The following SLC4A10 variants were observed in gnomAD, a reference collection of about 807,000 sequenced individuals.
SLC4A10 encodes the protein solute carrier family 4 member 10.
Under a neutral mutation model 137.7 loss-of-function variants are expected in SLC4A10, and 42 were observed. The observed-to-expected ratio is 0.30, with a 90% CI of 0.24 to 0.39. The LOEUF (loss-of-function observed/expected upper bound fraction) is 0.39, where lower values mean the gene tolerates loss of function less well. Among genes scored for constraint, SLC4A10 ranks in the 10% least tolerant of loss-of-function variants. SLC4A10 has a pLI of 1.00. For missense variants in SLC4A10, 925 were observed against 1,355.0 expected (o/e 0.68, Z 4.98); for synonymous variants, 474 against 464.1 (o/e 1.02, Z -0.27).
At chr2:161,742,358 A>G (rs1325858624) in intron 1 of SLC4A10, among the ~76,000 whole-genome samples, 1 of 151,568 alleles carries the variant, frequency 6.6e-6, no homozygotes, top group Non-Finnish European at 1.5e-5. Context: ...TTGCTGCATC[A>G]TATGGTAATT....
intron 1 of SLC4A10, among the ~76,000 whole-genome samples, chr2:161,631,045 C>T (rs1327852987): frequency 6.6e-6 from 1 of 151,636 alleles, no homozygotes; most frequent in Non-Finnish European, 1.5e-5. Context: ...GGTCTTTTTG[C>T]CCACATATTT....
At chr2:161,735,677 G>T (rs2047270998) in intron 1 of SLC4A10, among the ~76,000 whole-genome samples, 1 of 152,076 alleles carries the variant, frequency 6.6e-6, no homozygotes, top group Non-Finnish European at 1.5e-5. Flanking sequence ...ATGTCTGAAG[G>T]ATCCAACCCT....
chr2:161,980,028 G>A (rs1699993724), intron 26 of SLC4A10, among the ~76,000 whole-genome samples: 1 of 152,160 alleles, frequency 6.6e-6, no homozygotes, highest in East Asian at 1.9e-4. Context: ...TGTCATACAT[G>A]CATGTGACAA....
intron 10 of SLC4A10, among the ~76,000 whole-genome samples, chr2:161,885,861 C>T (rs1470102067): frequency 6.6e-6 from 1 of 152,116 alleles, no homozygotes; most frequent in Non-Finnish European, 1.5e-5. Context: ...CCAGAACTTT[C>T]AGAGCCTAAG....
intron 4 of SLC4A10, among the ~76,000 whole-genome samples, chr2:161,842,769 T>G (rs551083067): frequency 1.3e-5 from 2 of 152,304 alleles, no homozygotes; most frequent in African/African-American, 4.8e-5. Flanking sequence ...GTGTAATATA[T>G]GTGCTCATCT....
chr2:161,854,015 G>A (rs1441595030), intron 4 of SLC4A10, among the ~76,000 whole-genome samples: 2 of 152,090 alleles, frequency 1.3e-5, no homozygotes, highest in Non-Finnish European at 2.9e-5. Context: ...ACACAAAATA[G>A]TAAGATAATA....
At chr2:161,819,519 G>C (rs2057428923) in intron 3 of SLC4A10, among the ~76,000 whole-genome samples, 1 of 136,288 alleles carries the variant, frequency 7.3e-6, no homozygotes, top group African/African-American at 2.5e-5. Context: ...TTTTGAGACA[G>C]AGTCTCACTC....
At chr2:161,632,147 C>G (rs2033668091) in intron 1 of SLC4A10, among the ~76,000 whole-genome samples, 1 of 151,530 alleles carries the variant, frequency 6.6e-6, no homozygotes, top group Admixed American at 6.6e-5. Flanking sequence ...TCTTTTTTCC[C>G]CCTTTTGACT....
intron 12 of SLC4A10, among the ~76,000 whole-genome samples, chr2:161,901,691 T>C (rs1683149465): frequency 6.6e-6 from 1 of 152,060 alleles, no homozygotes; most frequent in Non-Finnish European, 1.5e-5. Context: ...GGCCATTTTC[T>C]GTACTGCTTG....
rs1700673295 is a variant in SLC4A10, at chr2:161,985,262, C to T, written c.*2110C>T. On this transcript the variant is annotated 3_prime_UTR_variant, in exon 27 of 27. Transcript: ENST00000446997. ...AAATATTTATCCTAACTTCCTTGCA[C>T]ATTTTAAATTGTGATACAAAGTGTC... 1 of 152,070 alleles carries T rather than the reference C, an allele frequency of 6.6e-6. No homozygotes were observed. Among genetic ancestry groups the T allele is most frequent in the Non-Finnish European group, 1.5e-5 (1 of 67,974 alleles). 9.4% of individuals were successfully genotyped at this position (152,070 alleles called of 1,614,324 possible). A position where few individuals can be genotyped will look rare whatever the true frequency, so the allele number is the denominator to read the frequency against.
At chr2:161,921,663 C>A (rs1415324772) in intron 15 of SLC4A10, among the ~76,000 whole-genome samples, 1 of 152,162 alleles carries the variant, frequency 6.6e-6, no homozygotes, top group Non-Finnish European at 1.5e-5. Context: ...CTCACAAGAA[C>A]CTTGTGGGAC....
chr2:161,912,259 G>A (rs1686036241), intron 15 of SLC4A10, among the ~76,000 whole-genome samples: 1 of 152,100 alleles, frequency 6.6e-6, no homozygotes, highest in Admixed American at 6.5e-5. Context: ...GGTATAAAAA[G>A]GCAGCTATTT....
At chr2:161,760,409 C>T (rs1574820301) in intron 1 of SLC4A10, among the ~76,000 whole-genome samples, 2 of 152,012 alleles carry the variant, frequency 1.3e-5, no homozygotes, top group East Asian at 3.9e-4. Flanking sequence ...CAAAGTTCTA[C>T]TTTTTTACAT....
At chr2:161,748,960 C>A (rs1287784163) in intron 1 of SLC4A10, among the ~76,000 whole-genome samples, 1 of 151,692 alleles carries the variant, frequency 6.6e-6, no homozygotes, top group Admixed American at 6.6e-5. Flanking sequence ...ATTTTTTTAA[C>A]ATTTTATAGT....
chr2:161,867,487 T>C (rs2060831792), intron 6 of SLC4A10, among the ~76,000 whole-genome samples: 1 of 152,004 alleles, frequency 6.6e-6, no homozygotes, highest in East Asian at 1.9e-4. Context: ...ATAAATATGA[T>C]ATTTTCCACC....
chr2:161,710,865 A>T, intron 1 of SLC4A10: 4 of 274,178 alleles, frequency 1.5e-5, no homozygotes, highest in Middle Eastern at 2.3e-3. Flanking sequence ...CAGAAAAGAA[A>T]AAGTCATTTC....
At chr2:161,765,725 G>T (rs960960170) in intron 1 of SLC4A10, among the ~76,000 whole-genome samples, 5 of 151,966 alleles carry the variant, frequency 3.3e-5, no homozygotes, top group Non-Finnish European at 7.4e-5. Flanking sequence ...GCTCCTAAAT[G>T]AGCAAATACA....
chr2:161,827,884 A>T (rs2058128800), intron 3 of SLC4A10, among the ~76,000 whole-genome samples: 1 of 152,066 alleles, frequency 6.6e-6, no homozygotes, highest in Non-Finnish European at 1.5e-5. Context: ...GTGATTCTTT[A>T]TTGCTTGAAA....
At chr2:161,707,330 A>T (rs944156227) in intron 1 of SLC4A10, among the ~76,000 whole-genome samples, 9 of 151,588 alleles carry the variant, frequency 5.9e-5, no homozygotes, top group African/African-American at 1.9e-4. Context: ...AAGAAGGGAA[A>T]CTATTCACAG....
Sources: gnomAD v4.1 joint callset for allele counts (sites outside exome capture counted in the v4.1 genomes callset) on GRCh38, gnomAD v4.1.1 for gene constraint, MANE v1.5 for transcripts, NCBI Gene and HGNC (gene_info 2026-07-23, HGNC 2026-07-21) for gene names.